The following FHOD3 variants were observed in gnomAD, a reference collection of about 807,000 sequenced individuals.
The protein encoded by FHOD3 is FH1/FH2 domain-containing protein 3.
A neutral mutation model predicts 173.0 loss-of-function variants in FHOD3; 90 were observed. The ratio of observed to expected loss-of-function variants is 0.52; its 90% CI spans 0.44 to 0.62. FHOD3 has a LOEUF of 0.62. Among genes scored for constraint, FHOD3 ranks in the 20% least tolerant of loss-of-function variants. The pLI is 0.00. For synonymous variants in FHOD3, 828 were observed against 823.0 expected (o/e 1.01, Z -0.10); for missense variants, 1,945 against 2,034.7 (o/e 0.96, Z 0.85).
intron 27 of FHOD3, among the ~76,000 whole-genome samples, chr18:36,767,880 C>T (rs1353660271): frequency 6.6e-6 from 1 of 152,020 alleles, no homozygotes. Context: ...TCCACTGTTC[C>T]CAACCATTTC....
intron 3 of FHOD3, among the ~76,000 whole-genome samples, chr18:36,389,340 G>A (rs777356299): frequency 1.9e-4 from 29 of 152,146 alleles, no homozygotes; most frequent in Non-Finnish European, 4.0e-4. Flanking sequence ...CGCCATTGTG[G>A]TGCCTTTTAT....
At chr18:36,556,456 G>A (rs563591941) in intron 5 of FHOD3, among the ~76,000 whole-genome samples, 59 of 152,182 alleles carry the variant, frequency 3.9e-4, no homozygotes, top group African/African-American at 1.3e-3. Flanking sequence ...CAGGTTTTTG[G>A]CATCCATGGG....
intron 3 of FHOD3, among the ~76,000 whole-genome samples, chr18:36,440,308 G>A (rs902815096): frequency 1.1e-4 from 16 of 152,214 alleles, no homozygotes; most frequent in South Asian, 2.1e-4. Flanking sequence ...AGAAGCAGGC[G>A]CAGGGCACTT....
chr18:36,725,633 A>G (rs966378543), intron 19 of FHOD3, among the ~76,000 whole-genome samples: 2 of 152,148 alleles, frequency 1.3e-5, no homozygotes, highest in Non-Finnish European at 2.9e-5. Context: ...CCGTGCTGAC[A>G]CTTGGCCATT....
intron 10 of FHOD3, among the ~76,000 whole-genome samples, chr18:36,635,487 G>C (rs1381813207): frequency 6.6e-6 from 1 of 152,186 alleles, no homozygotes; most frequent in East Asian, 1.9e-4. Flanking sequence ...GATTGGTGCA[G>C]GGCTTTCGCT....
chr18:36,645,770 C>T (rs1201911826), intron 10 of FHOD3, among the ~76,000 whole-genome samples: 1 of 151,922 alleles, frequency 6.6e-6, no homozygotes. Flanking sequence ...TAAGTTTATT[C>T]ATGGTATGCA....
intron 1 of FHOD3, among the ~76,000 whole-genome samples, chr18:36,332,514 A>T (rs1030722792): frequency 1.3e-5 from 2 of 152,182 alleles, no homozygotes; most frequent in African/African-American, 2.4e-5. Context: ...AACTTGCCCC[A>T]TTTTGGTTCT....
rs75506828 is a variant in FHOD3 at position 36,698,175 on chromosome 18, C to T, written c.2236+4752C>T. On this transcript the variant is annotated intron_variant, in intron 17 of 28. Transcript: ENST00000590592. ...CCTCCCTCCCTGCCTCACCTGACTGCTGCTACTTGATACCATTTTGTCAAT... is the reference window on the plus strand; with the variant it reads ...CCTCCCTCCCTGCCTCACCTGACTGTTGCTACTTGATACCATTTTGTCAAT... Among the ~76,000 whole-genome samples, 639 of 152,280 alleles carry T rather than the reference C, an allele frequency of 4.2e-3. 8 individuals are homozygous for T. The highest frequency in any genetic ancestry group is 0.015 in the African/African-American group (604 of 41,554).
intron 24 of FHOD3, among the ~76,000 whole-genome samples, chr18:36,753,234 T>G (rs1226843464): frequency 6.6e-6 from 1 of 152,120 alleles, no homozygotes. Context: ...CCCTGCAGGC[T>G]CTCAGTTCCT....
At chr18:36,652,476 G>C (rs757474723) in intron 11 of FHOD3, 94 bp from the exon 12 acceptor site, 29 of 1,384,412 alleles carry the variant, frequency 2.1e-5, no homozygotes, top group African/African-American at 2.9e-5. Context: ...TAGTACAGAA[G>C]TGGCTTTTTG....
intron 3 of FHOD3, among the ~76,000 whole-genome samples, chr18:36,495,269 A>G (rs778168000): frequency 3.3e-5 from 5 of 152,054 alleles, no homozygotes; most frequent in Non-Finnish European, 4.4e-5. Context: ...ATTCACCAGG[A>G]AGGGACCCAC....
intron 10 of FHOD3, among the ~76,000 whole-genome samples, chr18:36,641,767 C>G (rs994005428): frequency 5.3e-5 from 8 of 151,978 alleles, no homozygotes; most frequent in African/African-American, 1.9e-4. Context: ...ACCAGCCTGG[C>G]CAACATGGTG....
chr18:36,527,392 A>C (rs1357043528), intron 5 of FHOD3, among the ~76,000 whole-genome samples: 3 of 152,232 alleles, frequency 2.0e-5, no homozygotes, highest in Non-Finnish European at 4.4e-5. Flanking sequence ...CTGCCGTATC[A>C]TGAGAGATAG....
chr18:36,700,438 C>T (rs887043886), intron 17 of FHOD3, among the ~76,000 whole-genome samples: 1 of 152,196 alleles, frequency 6.6e-6, no homozygotes, highest in Non-Finnish European at 1.5e-5. Flanking sequence ...TCTCGTGGCC[C>T]AATCATTTAA....
chr18:36,688,822 CG>C (rs1268900924), intron 16 of FHOD3, among the ~76,000 whole-genome samples: 2 of 152,214 alleles, frequency 1.3e-5, no homozygotes, highest in Non-Finnish European at 2.9e-5. Context: ...CCCCAAACCA[CG>C]GAAGTCCAGC....
intron 3 of FHOD3, among the ~76,000 whole-genome samples, chr18:36,435,072 T>C (rs2050743203): frequency 1.3e-5 from 2 of 150,806 alleles, no homozygotes; most frequent in African/African-American, 4.9e-5. Flanking sequence ...AATTTACTGA[T>C]GGTGAAGGGC....
intron 28 of FHOD3, among the ~76,000 whole-genome samples, chr18:36,773,983 T>C (rs1182237253): frequency 2.0e-5 from 3 of 152,236 alleles, no homozygotes; most frequent in Non-Finnish European, 4.4e-5. Flanking sequence ...AGTTTTGTCC[T>C]GCCCAGAACT....
chr18:36,651,855 A>G (rs1205353198), intron 11 of FHOD3, among the ~76,000 whole-genome samples: 1 of 152,182 alleles, frequency 6.6e-6, no homozygotes, highest in African/African-American at 2.4e-5. Context: ...ATCACCTCCC[A>G]TAGTTACTGT....
chr18:36,556,926 A>AT (rs1207274199), intron 5 of FHOD3, among the ~76,000 whole-genome samples: 1 of 151,962 alleles, frequency 6.6e-6, no homozygotes, highest in Non-Finnish European at 1.5e-5. Context: ...TTTTTCAAAT[A>AT]TTTTTTCACC....
Sources: allele counts gnomAD v4.1 joint callset (sites outside exome capture counted in the v4.1 genomes callset), GRCh38; gene constraint gnomAD v4.1.1; transcripts MANE v1.5; gene names NCBI Gene and HGNC (gene_info 2026-07-23, HGNC 2026-07-21).